The following RIN1 variants were observed in gnomAD, a reference collection of about 807,000 sequenced individuals.
The protein encoded by RIN1 is Ras and Rab interactor 1.
In RIN1, 52 loss-of-function variants were observed where a neutral mutation model predicts 64.9. The ratio of observed to expected loss-of-function variants is 0.80; its 90% CI spans 0.64 to 1.01. The LOEUF is 1.01. RIN1 is among the 50% of genes least tolerant of loss of function. RIN1 has a pLI of 0.00. For missense variants in RIN1, 1,040 were observed against 1,064.5 expected (o/e 0.98, Z 0.32); for synonymous variants, 486 against 483.6 (o/e 1.00, Z -0.06).
intron 7 of RIN1, 59 bp downstream of exon 7, chr11:66,333,860 G>T: frequency 6.9e-7 from 1 of 1,457,300 alleles, no homozygotes; most frequent in Non-Finnish European, 9.1e-7. Flanking sequence ...ACCTGCCGCT[G>T]GGGGGCCCGC....
upstream of RIN1, chr11:66,336,479 C>A: frequency 1.5e-6 from 2 of 1,302,212 alleles, no homozygotes; most frequent in Non-Finnish European, 2.1e-6. Context: ...AGTAACACTT[C>A]CTGAGGGCGG....
rs1009051390 is a variant in RIN1, at chr11:66,334,969, T to C, written c.830A>G (p.Gln277Arg). ...CTGGCAAGGGGGCAGCCGCTCTGTC[T>C]GGCTGGGGACTGCCCCTGGCAGCAC... ...VPVLPGAVPS[Q>R]TERLPPCQLL... Residue 277 changes from glutamine to arginine, a missense_variant, in exon 6 of 10, where the codon CAG (glutamine) becomes CGG (arginine). Physicochemically the swap from Gln to Arg is conservative, Grantham distance 43. Coordinates refer to ENST00000311320, the MANE Select transcript of RIN1 (RefSeq NM_004292.3). 6.3e-7 allele frequency: 1 copy of C among 1,578,118 alleles called. No homozygotes were observed. Among genetic ancestry groups the C allele is most frequent in the African/African-American group, 1.3e-5 (1 of 74,240 alleles).
In RIN1 at chr11:66,336,153, G is replaced by A. The variant is rs777945851; in HGVS notation, c.92C>T (p.Ala31Val). The change falls in exon 2 of 10, where the codon GCC becomes GTC. Residue 31 changes from alanine (A) to valine (V), a missense_variant. Ala to Val is a moderately conservative substitution (Grantham distance 64). Transcript: ENST00000311320. ...TTGHLAREKP[A>V]QDPLYDVPNA... ...GGGCACGTCATACAGTGGGTCCTGG[G>A]CTGGCCTGGGGGCAGGCACCCAGAT... is the stretch of plus-strand genomic sequence containing the variant. The A allele has an allele frequency of 5.9e-5, 86 of 1,452,270 alleles. No homozygotes were observed. Among genetic ancestry groups the A allele is most frequent in the Non-Finnish European group, 7.4e-5 (82 of 1,103,038 alleles). 90.0% of individuals were successfully genotyped at this position (1,452,270 alleles called of 1,614,324 possible). A position where few individuals can be genotyped will look rare whatever the true frequency, so the allele number is the denominator to read the frequency against.
Position 66,334,159 on chromosome 11 carries a change from G to T in RIN1, c.1351C>A (p.Arg451Ser). 1 of 1,540,170 alleles carries T rather than the reference G, an allele frequency of 6.5e-7. No homozygotes were observed. The highest frequency in any genetic ancestry group is 8.7e-7 in the Non-Finnish European group (1 of 1,147,866). ...LKPLRPILAA[R>S]LRRRLAADGS... ...TCTGCGGCAAGCCGGCGCCGCAGGC[G>T]GGCTGCCAGGATGGGCCGGAGAGGC... The change falls in exon 7 of 10, where the codon CGC becomes AGC. Residue 451 changes from arginine (R) to serine (S), a missense_variant. Arg to Ser is a moderately radical substitution (Grantham distance 110, BLOSUM62 -1). Coordinates refer to ENST00000311320, the MANE Select transcript of RIN1 (RefSeq NM_004292.3).
In RIN1 at chr11:66,335,132, A is replaced by C; in HGVS notation, c.667T>G (p.Cys223Gly). 6.5e-7 allele frequency: 1 copy of C among 1,541,782 alleles called. No homozygotes were observed. Among genetic ancestry groups the C allele is most frequent in the Middle Eastern group, 1.8e-4 (1 of 5,710 alleles). Reference protein sequence around the residue: ...ELDQGTGAALCFFNPLFPGDL... With the variant: ...ELDQGTGAALGFFNPLFPGDL... ...CCCGGGAACAGGGGGTTGAAGAAGC[A>C]CAAGGCGGCTCCGGTGCCCTGGTCC... The change falls in exon 6 of 10, where the codon TGC (cysteine) becomes GGC (glycine). Residue 223 changes from cysteine to glycine, a missense_variant. By Grantham distance (159) the Cys-to-Gly change is radical. Coordinates refer to ENST00000311320, the MANE Select transcript of RIN1 (RefSeq NM_004292.3).
chr11:66,336,052 T>A lies in RIN1; in HGVS notation c.193A>T (p.Thr65Ser). 6.8e-7 allele frequency: 1 copy of A among 1,466,420 alleles called. No individual in the cohort carries two copies. The highest frequency in any genetic ancestry group is 9.0e-7 in the Non-Finnish European group (1 of 1,108,656). The allele number at this position is 1,466,420 out of a possible 1,614,324, so 90.8% of individuals were successfully genotyped here. Reference sequence around the variant, plus strand: ...TGCAGCTGCAGCCACACGGGCCGGGTGAGCAGCAGGCGCTCCCGCAGGCTC... The same window carrying A: ...TGCAGCTGCAGCCACACGGGCCGGGAGAGCAGCAGGCGCTCCCGCAGGCTC... ...VVSLRERLLLTRPVWLQLQAN... is the reference protein window; with the variant it reads ...VVSLRERLLLSRPVWLQLQAN... The change falls in exon 2 of 10, where the codon ACC becomes TCC. Residue 65 changes from threonine to serine, a missense_variant. Coordinates refer to ENST00000311320, the MANE Select transcript of RIN1 (RefSeq NM_004292.3).
rs1207023402 is a variant in RIN1 at position 66,334,931 on chromosome 11, C to T, written c.868G>A (p.Glu290Lys). ...GGCACGCGGTACCCCACTGAGCTCT[C>T]CCTCCGTAGCAGCTGGCAAGGGGGC... ...RLPPCQLLRR[E>K]SSVGYRVPAG... Residue 290 changes from glutamate to lysine, a missense_variant, in exon 6 of 10, where the codon GAG becomes AAG. Coordinates refer to ENST00000311320, the MANE Select transcript of RIN1 (RefSeq NM_004292.3). 6 of 1,586,400 alleles carry T rather than the reference C, an allele frequency of 3.8e-6. No homozygotes were observed. In the Admixed American group the frequency reaches 7.0e-5, roughly 19 times the overall value.
intron 9 of RIN1, 41 bp from the exon 10 acceptor site, chr11:66,332,793 C>A: frequency 7.1e-7 from 1 of 1,411,718 alleles, no homozygotes; most frequent in Non-Finnish European, 9.5e-7. Context: ...TCAGCCCCGG[C>A]TGGCATGCAT....
chr11:66,336,600 GC>G, upstream of RIN1: 1 of 560,604 alleles, frequency 1.8e-6, no homozygotes, highest in Admixed American at 3.2e-5. Context: ...CTCCATGCTA[GC>G]CCTGCTCTGA....
At position 66,335,055 on chromosome 11, in the gene RIN1, G is replaced by A. The variant is rs372573165; in HGVS notation, c.744C>T (p.Arg248=). 1.9e-4 allele frequency: 292 copies of A among 1,529,618 alleles called. No individual in the cohort carries two copies. Among genetic ancestry groups the A allele is most frequent in the Non-Finnish European group, 2.4e-4 (270 of 1,141,140 alleles). 94.8% of individuals were successfully genotyped at this position (1,529,618 alleles called of 1,614,324 possible). The change falls in exon 6 of 10, where the codon CGC becomes CGT. Residue 248 remains arginine (R), a synonymous_variant. Transcript: ENST00000311320. ...GGGGGCTGGAGGTCTCTGTGGACACGCGCACTTTGAAGCTTCTCTTGAATT... is the reference window on the plus strand; with the variant it reads ...GGGGGCTGGAGGTCTCTGTGGACACACGCACTTTGAAGCTTCTCTTGAATT... The part of the protein sequence containing the change: ...REKFKRSFKV[R]VSTETSSPLS...
At chr11:66,336,651 CT>C (rs1315479488), upstream of RIN1, 3 of 498,634 alleles carry the variant, frequency 6.0e-6, no homozygotes, top group Admixed American at 1.0e-4. Context: ...ACACGGCCTC[CT>C]GCAGCCTCAC....
rs1279758508 is a variant in RIN1, at chr11:66,332,387, G to A, written c.2241C>T (p.Asp747=). 1.2e-6 allele frequency: 2 copies of A among 1,614,172 alleles called. No homozygotes were observed. The highest frequency in any genetic ancestry group is 1.7e-6 in the Non-Finnish European group (2 of 1,180,026). The part of the protein sequence containing the change: ...GDAGVKASPR[D]IREQSETTAE... The stretch of plus-strand genomic sequence containing the variant: ...CAGTTGTCTCAGACTGTTCCCGAAT[G>A]TCCCTGGGGCTGGCTTTGACCCCAG... The change falls in exon 10 of 10, where the codon GAC becomes GAT. Residue 747 remains aspartate, a synonymous_variant. Transcript: ENST00000311320.
chr11:66,336,504 C>A, upstream of RIN1: 4 of 989,240 alleles, frequency 4.0e-6, no homozygotes, highest in Non-Finnish European at 6.1e-6. Flanking sequence ...CCTGTCACAC[C>A]CGCCAGTTAA....
rs370890236 is a variant in RIN1 at position 66,332,208 on chromosome 11, G to A, written c.*68C>T. On this transcript the variant is annotated 3_prime_UTR_variant, in exon 10 of 10. Transcript: ENST00000311320. ...GACAGGGCCCTGGGTGGGGCTTGCT[G>A]GCGCTAAAAGGATTTCTCAGCAGGC... 1.4e-6 allele frequency: 2 copies of A among 1,447,960 alleles called. No individual in the cohort carries two copies. Among genetic ancestry groups the A allele is most frequent in the Non-Finnish European group, 1.9e-6 (2 of 1,036,252 alleles). The allele number at this position is 1,447,960 out of a possible 1,614,324, so 89.7% of individuals were successfully genotyped here.
rs12800161 is a variant in RIN1 at position 66,335,102 on chromosome 11, G to A, written c.697C>T (p.Leu233=). 6.5e-7 allele frequency: 1 copy of A among 1,534,096 alleles called. No homozygotes were observed. The highest frequency in any genetic ancestry group is 1.3e-5 in the South Asian group (1 of 78,430). The change falls in exon 6 of 10, where the codon CTA becomes TTA. Residue 233 remains leucine, a synonymous_variant. Transcript: ENST00000311320. Reference sequence around the variant, plus strand: ...AATTTCTCCCGCTTGGTGGGCCCTAGGTCCCCCGGGAACAGGGGGTTGAAG... The same window carrying A: ...AATTTCTCCCGCTTGGTGGGCCCTAAGTCCCCCGGGAACAGGGGGTTGAAG... ...CFFNPLFPGD[L]GPTKREKFKR...
Position 66,334,221 on chromosome 11 carries a change from T to C in RIN1, c.1289A>G (p.His430Arg). The C allele has an allele frequency of 2.7e-6, 4 of 1,457,270 alleles. No homozygotes were observed. The highest frequency in any genetic ancestry group is 2.9e-5 in the South Asian group (2 of 69,956). 90.3% of individuals were successfully genotyped at this position (1,457,270 alleles called of 1,614,324 possible). A position where few individuals can be genotyped will look rare whatever the true frequency, so the allele number is the denominator to read the frequency against. The change falls in exon 7 of 10, where the codon CAT becomes CGT. Residue 430 changes from histidine to arginine, a missense_variant. Coordinates refer to ENST00000311320, the MANE Select transcript of RIN1 (RefSeq NM_004292.3). ...GCAATGCAATGACTTCTCCAGGACA[T>C]GTTCTGCCGGAGGGACAGGGAGGGG... ...EKLLSPKRLE[H>R]VLEKSLHCSV... is the part of the protein sequence containing the mutation.
chr11:66,336,150 T>C lies in RIN1; in HGVS notation c.95A>G (p.Gln32Arg). 6.9e-7 allele frequency: 1 copy of C among 1,451,356 alleles called. No individual in the cohort carries two copies. The highest frequency in any genetic ancestry group is 2.5e-5 in the East Asian group (1 of 40,090). The allele number at this position is 1,451,356 out of a possible 1,614,324, so 89.9% of individuals were successfully genotyped here. A position where few individuals can be genotyped will look rare whatever the true frequency, so the allele number is the denominator to read the frequency against. Residue 32 changes from glutamine to arginine, a missense_variant, in exon 2 of 10, where the codon CAG becomes CGG. Coordinates refer to ENST00000311320, the MANE Select transcript of RIN1 (RefSeq NM_004292.3). ...ATTGGGCACGTCATACAGTGGGTCC[T>C]GGGCTGGCCTGGGGGCAGGCACCCA... ...TGHLAREKPA[Q>R]DPLYDVPNAS...
Position 66,332,557 on chromosome 11 carries a change from G to A in RIN1, c.2071C>T (p.His691Tyr). 6.2e-7 allele frequency: 1 copy of A among 1,612,926 alleles called. No individual in the cohort carries two copies. Among genetic ancestry groups the A allele is most frequent in the Non-Finnish European group, 8.5e-7 (1 of 1,179,260 alleles). The change falls in exon 10 of 10, where the codon CAC (histidine) becomes TAC (tyrosine). Residue 691 changes from histidine to tyrosine, a missense_variant. By Grantham distance (83) the His-to-Tyr change is moderately conservative (BLOSUM62 2). Coordinates refer to ENST00000311320, the MANE Select transcript of RIN1 (RefSeq NM_004292.3). ...YHRLPPGALA[H>Y]RLPTTGYLVY... Reference sequence around the variant, plus strand: ...AGGTAGCCAGTGGTGGGCAGCCTGTGGGCCAGGGCCCCAGGGGGCAGGCGG... The same window carrying A: ...AGGTAGCCAGTGGTGGGCAGCCTGTAGGCCAGGGCCCCAGGGGGCAGGCGG...
chr11:66,334,055 G>A lies in RIN1; in HGVS notation c.1455C>T (p.Ser485=). 6.4e-7 allele frequency: 1 copy of A among 1,573,686 alleles called. No homozygotes were observed. The highest frequency in any genetic ancestry group is 8.6e-7 in the Non-Finnish European group (1 of 1,160,552). The change falls in exon 7 of 10, where the codon AGC becomes AGT. Residue 485 remains serine (S), a synonymous_variant. Transcript: ENST00000311320. ...GCTCCAACTCTACTGGGGAGGGCAG[G>A]CTCAGGTGGGACCCGAAGGCTCCGG... The part of the protein sequence containing the change: ...QGPGAFGSHL[S]LPSPVELEQV...
Sources: allele counts gnomAD v4.1 joint callset, GRCh38; gene constraint gnomAD v4.1.1; transcripts MANE v1.5; gene names NCBI Gene and HGNC (gene_info 2026-07-23, HGNC 2026-07-21).